The following RANBP17 variants were observed in gnomAD, a reference collection of about 807,000 sequenced individuals.
RANBP17 encodes ran-binding protein 17.
Under a neutral mutation model 141.2 loss-of-function variants are expected in RANBP17, and 158 were observed. The ratio of observed to expected loss-of-function variants is 1.12; its 90% CI spans 0.98 to 1.28. RANBP17 has a LOEUF of 1.28. Among genes scored for constraint, RANBP17 ranks in the 50% most tolerant of loss-of-function variants. RANBP17 has a pLI of 0.00. For missense variants in RANBP17, 1,438 were observed against 1,290.7 expected (o/e 1.11, Z -1.75); for synonymous variants, 430 against 450.0 (o/e 0.96, Z 0.56).
intron 11 of RANBP17, among the ~76,000 whole-genome samples, chr5:170,921,803 C>T (rs569485142): frequency 1.3e-5 from 2 of 152,174 alleles, no homozygotes; most frequent in African/African-American, 4.8e-5. Context: ...TTGTTATTAC[C>T]AACCTTCTGA....
At chr5:171,240,162 T>A (rs985839760) in intron 22 of RANBP17, among the ~76,000 whole-genome samples, 2 of 150,282 alleles carry the variant, frequency 1.3e-5, no homozygotes, top group Non-Finnish European at 2.9e-5. Context: ...TATATTTTTT[T>A]AAAACATTAT....
At chr5:171,097,253 A>G (rs1000496172) in intron 14 of RANBP17, among the ~76,000 whole-genome samples, 1 of 152,090 alleles carries the variant, frequency 6.6e-6, no homozygotes, top group Non-Finnish European at 1.5e-5. Context: ...ATATCCCTAT[A>G]ATTTTTCATC....
intron 25 of RANBP17, among the ~76,000 whole-genome samples, chr5:171,286,076 A>C (rs1284893275): frequency 1.3e-5 from 2 of 152,216 alleles, no homozygotes; most frequent in Non-Finnish European, 2.9e-5. Flanking sequence ...CCTTAGATGT[A>C]ACAATGGTTG....
At chr5:171,035,868 G>C (rs1435535013) in intron 14 of RANBP17, among the ~76,000 whole-genome samples, 2 of 151,230 alleles carry the variant, frequency 1.3e-5, no homozygotes, top group South Asian at 4.2e-4. Context: ...CCAAGGTAGA[G>C]AGCATAGTAC....
At chr5:171,096,373 A>C (rs1351251206) in intron 14 of RANBP17, among the ~76,000 whole-genome samples, 1 of 152,200 alleles carries the variant, frequency 6.6e-6, no homozygotes, top group Non-Finnish European at 1.5e-5. Flanking sequence ...GATTTGAAGC[A>C]AAAGTCACTA....
chr5:171,263,803 C>G (rs1189016817), intron 24 of RANBP17, among the ~76,000 whole-genome samples: 2 of 152,196 alleles, frequency 1.3e-5, no homozygotes, highest in Non-Finnish European at 2.9e-5. Context: ...TAGCACACAT[C>G]TATAATCCCA....
intron 14 of RANBP17, among the ~76,000 whole-genome samples, chr5:171,065,713 A>T (rs908218347): frequency 6.6e-6 from 1 of 151,910 alleles, no homozygotes; most frequent in Non-Finnish European, 1.5e-5. Context: ...TATTCCATTG[A>T]TTTGATAGCT....
intron 14 of RANBP17, among the ~76,000 whole-genome samples, chr5:171,061,793 A>C (rs1362197259): frequency 6.6e-6 from 1 of 152,090 alleles, no homozygotes. Context: ...AATGTGTGGG[A>C]GTCTAAGTCT....
chr5:170,952,057 C>T lies in RANBP17; in HGVS notation c.1469-1540C>T, dbSNP rs150752947. The stretch of plus-strand genomic sequence containing the variant: ...TGAGGAACGTGAAGATCACCTACTC[C>T]ATATTCAAGGCCCAAGATACACGAG... On this transcript the variant is annotated intron_variant, in intron 12 of 27. Coordinates refer to ENST00000523189, the MANE Select transcript of RANBP17 (RefSeq NM_022897.5). Among the ~76,000 whole-genome samples, 582 of 151,980 alleles carry T rather than the reference C, an allele frequency of 3.8e-3. 4 individuals carry two copies. Among genetic ancestry groups the T allele is most frequent in the African/African-American group, 0.014 (561 of 41,482 alleles).
Position 171,293,886 on chromosome 5 carries a change from ATGTC to A in RANBP17, c.2952_2955del (p.Val985SerfsTer2). 1 of 1,611,276 alleles carries A rather than the reference ATGTC, an allele frequency of 6.2e-7. No homozygotes were observed. Among genetic ancestry groups the A allele is most frequent in the Non-Finnish European group, 8.5e-7 (1 of 1,177,536 alleles). ...TTTATGTGATTCTATCTTCTAGATG[ATGTC>A]TGTCCTCATGAACACCATTGTCTTT... On this transcript the variant is annotated frameshift_variant, in exon 26 of 28. Coordinates refer to ENST00000523189, the MANE Select transcript of RANBP17 (RefSeq NM_022897.5). LOFTEE classifies it high-confidence loss of function.
At chr5:170,915,256 T>A (rs143750731) in intron 8 of RANBP17, among the ~76,000 whole-genome samples, 331 of 152,322 alleles carry the variant, frequency 2.2e-3, no homozygotes, top group African/African-American at 7.3e-3. Context: ...GAACATTTAT[T>A]GGACATGTCC....
intron 14 of RANBP17, among the ~76,000 whole-genome samples, chr5:171,155,621 A>T (rs1055358143): frequency 1.3e-5 from 2 of 152,184 alleles, no homozygotes; most frequent in African/African-American, 4.8e-5. Flanking sequence ...ACAAATTCCT[A>T]ATCAAACTGA....
intron 20 of RANBP17, chr5:171,206,473 C>G (rs1170301458): frequency 6.5e-6 from 1 of 154,902 alleles, no homozygotes; most frequent in Admixed American, 6.5e-5. Flanking sequence ...ATATTGTATG[C>G]AAGTCATCTA....
intron 14 of RANBP17, among the ~76,000 whole-genome samples, chr5:171,114,987 G>A (rs1364106999): frequency 6.6e-6 from 1 of 151,956 alleles, no homozygotes; most frequent in Non-Finnish European, 1.5e-5. Flanking sequence ...GGTGGTGTGC[G>A]CCTATAGGCC....
chr5:170,873,571 T>C (rs1767930643), intron 1 of RANBP17, among the ~76,000 whole-genome samples: 1 of 152,172 alleles, frequency 6.6e-6, no homozygotes. Flanking sequence ...TTTAGTGTTG[T>C]GAGGGTGTAT....
At chr5:170,949,048 G>A (rs1032691449) in intron 12 of RANBP17, among the ~76,000 whole-genome samples, 8 of 151,972 alleles carry the variant, frequency 5.3e-5, no homozygotes, top group Admixed American at 6.6e-5. Context: ...CCAGCTGTTC[G>A]GGAGGATCAC....
At chr5:170,932,482 T>C (rs796379977) in intron 12 of RANBP17, among the ~76,000 whole-genome samples, 29 of 152,326 alleles carry the variant, frequency 1.9e-4, no homozygotes, top group East Asian at 1.5e-3. Flanking sequence ...CCCTGTCTTG[T>C]GCCAGTTTTC....
intron 14 of RANBP17, among the ~76,000 whole-genome samples, chr5:171,084,322 T>C (rs535020482): frequency 1.5e-4 from 22 of 145,664 alleles, no homozygotes; most frequent in African/African-American, 3.5e-4. Flanking sequence ...TAGTATTCCA[T>C]GGTGTATATG....
chr5:171,262,702 T>TAGTC (rs1359166201), intron 24 of RANBP17, among the ~76,000 whole-genome samples: 1 of 152,198 alleles, frequency 6.6e-6, no homozygotes, highest in East Asian at 1.9e-4. Flanking sequence ...TTGCTCATTA[T>TAGTC]AGTCACCTTA....
Sources: gnomAD v4.1 joint callset for allele counts (sites outside exome capture counted in the v4.1 genomes callset) on GRCh38, gnomAD v4.1.1 for gene constraint, MANE v1.5 for transcripts, NCBI Gene and HGNC (gene_info 2026-07-23, HGNC 2026-07-21) for gene names.